Variants in NFU1 observed in about 807,000 individuals in gnomAD.
NFU1 encodes the protein NFU1 iron-sulfur cluster scaffold homolog, mitochondrial.
In NFU1, 30 loss-of-function variants were observed where a neutral mutation model predicts 32.2. The observed-to-expected ratio is 0.93, with a 90% CI of 0.70 to 1.26. The LOEUF (loss-of-function observed/expected upper bound fraction) is 1.26. NFU1 is among the 50% of genes most tolerant of loss of function. NFU1 has a pLI of 0.00. For missense variants in NFU1, 306 were observed against 306.6 expected, an observed-to-expected ratio of 1.00 and a Z score of 0.02; for synonymous variants, 112 against 104.6, an observed-to-expected ratio of 1.07 and a Z score of -0.43.
intron 4 of NFU1, chr2:69,416,307 A>G (rs1574131055): frequency 6.8e-6 from 1 of 147,882 alleles, no homozygotes; most frequent in African/African-American, 2.5e-5. Flanking sequence ...TAATATAATT[A>G]TAATTTATAA....
At chr2:69,439,352 G>A (rs1363187681), upstream of NFU1, among the ~76,000 whole-genome samples, 1 of 152,104 alleles carries the variant, frequency 6.6e-6, no homozygotes, top group East Asian at 1.9e-4. Flanking sequence ...TGTGTCCAGA[G>A]TCTGTTCCTT....
At chr2:69,428,284 G>A (rs944537391) in intron 2 of NFU1, among the ~76,000 whole-genome samples, 1 of 152,064 alleles carries the variant, frequency 6.6e-6, no homozygotes, top group Non-Finnish European at 1.5e-5. Context: ...AATTAGCCAG[G>A]TGTGGTGATG....
rs1672333189 is a variant in NFU1, at chr2:69,396,397, CATGACAAGCCAGTAAGA to C, written c.721-124_721-108del. On this transcript the variant is annotated intron_variant, in intron 7 of 7. Transcript: ENST00000410022. Reference sequence around the variant, plus strand: ...TTACCTGATACACTCTATAATGAGGCATGACAAGCCAGTAAGAATAAATCTATCAACAGCCCCAAAGA... The same window carrying C: ...TTACCTGATACACTCTATAATGAGGCATAAATCTATCAACAGCCCCAAAGA... The C allele has an allele frequency of 1.7e-5, 12 of 725,796 alleles. No individual in the cohort carries two copies. The South Asian group carries it at 2.1e-4, about 13-fold the overall frequency. The allele number at this position is 725,796 out of a possible 1,614,324, so 45.0% of individuals were successfully genotyped here. A position where few individuals can be genotyped will look rare whatever the true frequency, so the allele number is the denominator to read the frequency against.
intron 4 of NFU1, among the ~76,000 whole-genome samples, chr2:69,415,887 G>A (rs1673033418): frequency 6.6e-6 from 1 of 152,142 alleles, no homozygotes; most frequent in Admixed American, 6.5e-5. Flanking sequence ...AACATTTTGG[G>A]AAGCTGAGGC....
rs528409769 is a variant in NFU1 at position 69,421,420 on chromosome 2, C to T, written c.303-1816G>A. Among the ~76,000 whole-genome samples the T allele has an allele frequency of 1.1e-3, 160 of 151,998 alleles. 6 individuals carry two copies. The South Asian group carries it at 0.031, about 29-fold the overall frequency. On this transcript the variant is annotated intron_variant, in intron 3 of 7. Transcript: ENST00000410022. ...AAATAGTTACCTGAGCTCTGTTTTC[C>T]GAGTATCCCTGGCAATCAGATTGAG...
intron 6 of NFU1, 105 bp from the exon 7 acceptor site, chr2:69,400,643 A>G (rs569252460): frequency 1.1e-6 from 1 of 929,468 alleles, no homozygotes; most frequent in African/African-American, 1.7e-5. Flanking sequence ...TAAAATTCAC[A>G]AAGTTAGAGC....
At chr2:69,425,932 G>A (rs905396750) in intron 2 of NFU1, among the ~76,000 whole-genome samples, 6 of 152,126 alleles carry the variant, frequency 3.9e-5, no homozygotes, top group African/African-American at 1.4e-4. Context: ...TACAACATAA[G>A]CAAGAATCTA....
intron 2 of NFU1, among the ~76,000 whole-genome samples, chr2:69,428,651 G>A (rs547460749): frequency 8.5e-5 from 13 of 152,274 alleles, no homozygotes; most frequent in South Asian, 2.1e-4. Flanking sequence ...CTTAGCCACC[G>A]TACATATTGC....
chr2:69,422,551 C>T (rs749009728), intron 3 of NFU1, among the ~76,000 whole-genome samples: 2 of 151,956 alleles, frequency 1.3e-5, no homozygotes, highest in Admixed American at 1.3e-4. Context: ...TCTCATTATT[C>T]TTAAAAATCA....
intron 7 of NFU1, chr2:69,399,164 C>T (rs777691853): frequency 3.4e-5 from 9 of 267,768 alleles, no homozygotes; most frequent in Admixed American, 1.0e-4. Flanking sequence ...GCCGAGATAG[C>T]GTGTCACTGC....
intron 7 of NFU1, chr2:69,399,496 A>G (rs574755903): frequency 1.4e-4 from 51 of 371,432 alleles, no homozygotes; most frequent in African/African-American, 1.1e-3. Flanking sequence ...TTGCTTGCAT[A>G]TTTAAGAATA....
upstream of NFU1, among the ~76,000 whole-genome samples, chr2:69,439,486 AGAGTGAGCCACATCAAGATTTACT>A (rs1673991133): frequency 6.6e-6 from 1 of 152,220 alleles, no homozygotes; most frequent in African/African-American, 2.4e-5. Context: ...ACGGGCCCAA[AGAGTGAGCCACATCAAGATTTACT>A]ACAAAGAGCA....
chr2:69,438,202 T>G (rs1673923368), upstream of NFU1, among the ~76,000 whole-genome samples: 2 of 151,826 alleles, frequency 1.3e-5, no homozygotes, highest in Admixed American at 6.6e-5. Context: ...TTATACTTAC[T>G]GAGGCACAAT....
At chr2:69,407,516 A>C (rs1409023469) in intron 5 of NFU1, among the ~76,000 whole-genome samples, 1 of 151,224 alleles carries the variant, frequency 6.6e-6, no homozygotes, top group Non-Finnish European at 1.5e-5. Context: ...GTCTTTACTA[A>C]AAATACAAAA....
chr2:69,413,338 T>A (rs1319094525), intron 5 of NFU1, among the ~76,000 whole-genome samples: 6 of 137,122 alleles, frequency 4.4e-5, no homozygotes, highest in East Asian at 2.2e-4. Context: ...AACATACGGG[T>A]AAAAAAAAAA....
intron 2 of NFU1, among the ~76,000 whole-genome samples, chr2:69,430,254 C>T (rs1673595776): frequency 1.3e-5 from 2 of 151,618 alleles, no homozygotes. Context: ...ACTCTGCTGC[C>T]CAGGCTGAAG....
At chr2:69,423,792 T>C in intron 2 of NFU1, 75 bp from the exon 3 acceptor site, 1 of 1,099,070 alleles carries the variant, frequency 9.1e-7, no homozygotes. Flanking sequence ...AGTGCTCATT[T>C]GCAGAGAATC....
intron 1 of NFU1, among the ~76,000 whole-genome samples, chr2:69,436,594 C>A (rs1673845560): frequency 1.3e-5 from 2 of 152,156 alleles, no homozygotes; most frequent in African/African-American, 2.4e-5. Flanking sequence ...ACAAAAAATT[C>A]TACCAACTTA....
rs562115239 is a variant in NFU1, at chr2:69,403,547, G to A, written c.545+2475C>T. Among the ~76,000 whole-genome samples, 500 of 151,982 alleles carry A rather than the reference G, an allele frequency of 3.3e-3. 4 individuals carry two copies. The highest frequency in any genetic ancestry group is 5.7e-3 in the Non-Finnish European group (389 of 67,932). ...CTACAGGTGCACACCACCACACCCA[G>A]CTAATTTTTTAATTTTTTGTAGAGA... On this transcript the variant is annotated intron_variant, in intron 6 of 7. Transcript: ENST00000410022.
Sources: allele counts gnomAD v4.1 joint callset (sites outside exome capture counted in the v4.1 genomes callset), GRCh38; gene constraint gnomAD v4.1.1; transcripts MANE v1.5; gene names NCBI Gene and HGNC (gene_info 2026-07-23, HGNC 2026-07-21).